The following CDH4 variants were observed in gnomAD, a reference collection of about 807,000 sequenced individuals.
The protein encoded by CDH4 is cadherin-4.
Under a neutral mutation model 86.0 loss-of-function variants are expected in CDH4, and 33 were observed. That is an observed-to-expected ratio of 0.38 (90% CI 0.29 to 0.51). CDH4 has a LOEUF of 0.51. Ranked by LOEUF, CDH4 falls within the 20% of genes least tolerant of loss-of-function variation. The probability of loss-of-function intolerance (pLI) is 0.86; values close to 1 mark genes in which losing one functional copy is unlikely to be tolerated. For synonymous variants in CDH4, 555 were observed against 549.4 expected (o/e 1.01, Z -0.14); for missense variants, 1,114 against 1,307.4 (o/e 0.85, Z 2.28).
chr20:61,645,622 C>G (rs2087053060), intron 2 of CDH4, among the ~76,000 whole-genome samples: 1 of 113,188 alleles, frequency 8.8e-6, no homozygotes, highest in African/African-American at 3.8e-5. Flanking sequence ...AGAGTACGAC[C>G]CTGTCTCAAA....
chr20:61,933,698 G>A (rs560039542), intron 14 of CDH4, among the ~76,000 whole-genome samples: 6 of 146,692 alleles, frequency 4.1e-5, no homozygotes, highest in African/African-American at 1.1e-4. Context: ...CCCGCAACAC[G>A]ACCATAACGA....
intron 2 of CDH4, among the ~76,000 whole-genome samples, chr20:61,315,294 G>T (rs2084470263): frequency 6.6e-6 from 1 of 152,146 alleles, no homozygotes; most frequent in South Asian, 2.1e-4. Context: ...TGGGCATGAG[G>T]CAGGAAGATG....
chr20:61,758,954 AGT>A (rs1219770762), intron 3 of CDH4, among the ~76,000 whole-genome samples: 7 of 152,124 alleles, frequency 4.6e-5, no homozygotes, highest in Admixed American at 1.3e-4. Context: ...CATGTATATG[AGT>A]GTGCACATGT....
rs547211325 is a variant in CDH4, at chr20:61,562,342, C to T, written c.170-181221C>T. On this transcript the variant is annotated intron_variant, in intron 2 of 15. Coordinates refer to ENST00000614565, the MANE Select transcript of CDH4 (RefSeq NM_001794.5). ...TGTGGAGAGGTGGACCCCAGGGCTC[C>T]CGGAGAGAGAGAGGGACCTCCGTGT... is the stretch of plus-strand genomic sequence containing the variant. Among the ~76,000 whole-genome samples, 63 of 137,788 alleles carry T rather than the reference C, an allele frequency of 4.6e-4. 1 individual carries two copies. The South Asian group carries it at 5.7e-3, about 12-fold the overall frequency. 90.4% of individuals were successfully genotyped at this position (137,788 alleles called of 152,430 possible).
intron 2 of CDH4, among the ~76,000 whole-genome samples, chr20:61,564,814 A>G (rs12481243): frequency 0.36 from 54,537 of 151,746 alleles, 10,345 homozygotes; most frequent in African/African-American, 0.48. Context: ...GCCCTCCCTC[A>G]GGGATTCAAA....
At chr20:61,395,754 C>G (rs1040715825) in intron 2 of CDH4, among the ~76,000 whole-genome samples, 1 of 152,144 alleles carries the variant, frequency 6.6e-6, no homozygotes, top group Non-Finnish European at 1.5e-5. Flanking sequence ...CATTCCAGCC[C>G]GGGAAACAGG....
At chr20:61,444,877 CTA>C (rs775474223) in intron 2 of CDH4, among the ~76,000 whole-genome samples, 12 of 146,860 alleles carry the variant, frequency 8.2e-5, no homozygotes, top group Non-Finnish European at 1.7e-4. Flanking sequence ...GTGTGTTTCT[CTA>C]TGTGTGTCTG....
chr20:61,538,792 T>G (rs969740488), intron 2 of CDH4, among the ~76,000 whole-genome samples: 14 of 152,220 alleles, frequency 9.2e-5, no homozygotes, highest in Non-Finnish European at 1.6e-4. Context: ...ATGCCACTTC[T>G]CGTCTAATCA....
At chr20:61,484,194 A>G (rs1600706297) in intron 2 of CDH4, among the ~76,000 whole-genome samples, 1 of 152,070 alleles carries the variant, frequency 6.6e-6, no homozygotes, top group South Asian at 2.1e-4. Context: ...TTACCACATA[A>G]TATTTTCCCA....
chr20:61,921,191 G>A (rs1055669323), intron 9 of CDH4, among the ~76,000 whole-genome samples: 16 of 139,060 alleles, frequency 1.2e-4, no homozygotes, highest in African/African-American at 2.6e-4. Flanking sequence ...GCATGGAAGC[G>A]TGGTGTCGTG....
chr20:61,584,662 C>T (rs1227501701), intron 2 of CDH4, among the ~76,000 whole-genome samples: 2 of 152,178 alleles, frequency 1.3e-5, no homozygotes, highest in South Asian at 4.1e-4. Flanking sequence ...TAAAATATAA[C>T]ACGAGCTCAG....
At chr20:61,870,458 CAACA>C (rs1201217912) in intron 6 of CDH4, among the ~76,000 whole-genome samples, 4 of 152,168 alleles carry the variant, frequency 2.6e-5, no homozygotes, top group African/African-American at 4.8e-5. Flanking sequence ...TCAGTGAGTA[CAACA>C]GACAGTGCCC....
chr20:61,897,347 C>A (rs1985177232), intron 8 of CDH4, among the ~76,000 whole-genome samples: 1 of 152,060 alleles, frequency 6.6e-6, no homozygotes, highest in Non-Finnish European at 1.5e-5. Context: ...TCCCGAGACT[C>A]TGGGAGGCCA....
At chr20:61,277,929 G>A (rs2084239259) in intron 2 of CDH4, among the ~76,000 whole-genome samples, 2 of 152,226 alleles carry the variant, frequency 1.3e-5, no homozygotes, top group South Asian at 4.1e-4. Flanking sequence ...CTGCAGGGTG[G>A]GTGCCGATCG....
intron 2 of CDH4, among the ~76,000 whole-genome samples, chr20:61,532,337 G>A (rs1303484724): frequency 1.3e-5 from 2 of 152,200 alleles, no homozygotes; most frequent in Non-Finnish European, 2.9e-5. Context: ...CACACATGAA[G>A]GAGGTCCCAT....
intron 7 of CDH4, among the ~76,000 whole-genome samples, chr20:61,889,732 T>C (rs528325254): frequency 4.8e-5 from 7 of 146,828 alleles, no homozygotes; most frequent in Admixed American, 6.8e-5. Context: ...GACAGACAGA[T>C]GGATGATGGA....
At chr20:61,376,597 C>A (rs2084873840) in intron 2 of CDH4, among the ~76,000 whole-genome samples, 1 of 152,108 alleles carries the variant, frequency 6.6e-6, no homozygotes, top group African/African-American at 2.4e-5. Context: ...TTCAGGTCAC[C>A]CATGGGGAAA....
At chr20:61,669,338 G>T (rs2087361516) in intron 2 of CDH4, among the ~76,000 whole-genome samples, 1 of 152,234 alleles carries the variant, frequency 6.6e-6, no homozygotes, top group Admixed American at 6.5e-5. Context: ...AAGCCTAGCA[G>T]GTCCACCATC....
intron 2 of CDH4, chr20:61,499,438 A>T: frequency 7.8e-7 from 1 of 1,289,018 alleles, no homozygotes; most frequent in Non-Finnish European, 1.0e-6. Context: ...GGATTCGATG[A>T]ACGGCAGCTG....
Sources: allele counts gnomAD v4.1 joint callset (sites outside exome capture counted in the v4.1 genomes callset), GRCh38; gene constraint gnomAD v4.1.1; transcripts MANE v1.5; gene names NCBI Gene and HGNC (gene_info 2026-07-23, HGNC 2026-07-21).